Variants in EVC observed in about 807,000 individuals in gnomAD.
EVC encodes the protein EvC ciliary complex subunit 1.
EVC carries 116 observed loss-of-function variants against 118.9 expected under a neutral mutation model. The observed-to-expected ratio is 0.98, with a 90% CI of 0.84 to 1.14. The LOEUF is 1.14. EVC is among the 50% of genes most tolerant of loss of function. The pLI is 0.00. For missense variants in EVC, 1,401 were observed against 1,246.4 expected (o/e 1.12, Z -1.87); for synonymous variants, 619 against 534.7 (o/e 1.16, Z -2.18).
the EVC span, chr4:5,825,482 ACT>A: frequency 5.8e-6 from 9 of 1,557,898 alleles, no homozygotes; most frequent in African/African-American, 1.1e-4. The surrounding 1 kb of genome is among the most constrained non-coding windows in gnomAD (Gnocchi z 4.4). Flanking sequence ...CTGGGCCACC[ACT>A]CTTTCCTACC....
chr4:5,822,246 G>T, the EVC span, among the ~76,000 whole-genome samples: 3 of 152,198 alleles, frequency 2.0e-5, no homozygotes, highest in Admixed American at 1.3e-4. Context: ...CCAACTTACG[G>T]GTGAGCAATT....
At chr4:5,741,865 T>C (rs1320876205) in intron 6 of EVC, 51 bp downstream of exon 6, 10 of 976,980 alleles carry the variant, frequency 1.0e-5, no homozygotes, top group African/African-American at 1.6e-5. Flanking sequence ...TTTATTATAA[T>C]ATATACAACT....
intron 16 of EVC, among the ~76,000 whole-genome samples, chr4:5,802,613 C>G (rs1195760341): frequency 6.6e-6 from 1 of 152,134 alleles, no homozygotes; most frequent in East Asian, 1.9e-4. Flanking sequence ...ACAATCACAT[C>G]TGGGGGTTAT....
At chr4:5,711,676 C>T in intron 1 of EVC, 122 bp downstream of exon 1, 1 of 835,140 alleles carries the variant, frequency 1.2e-6, no homozygotes, top group Non-Finnish European at 1.5e-6. Context: ...TCGCACGCAA[C>T]CGCTTAGGCG....
Position 5,801,830 on chromosome 4 carries a change from C to T in EVC, c.2305-120C>T, listed in dbSNP as rs187763533. ...CTCTCTGCCTGCTTCCTGACCAATC[C>T]AGGTTGGTGAGTAGGTGGAAGATCT... is the stretch of plus-strand genomic sequence containing the variant. On this transcript the variant is annotated intron_variant, in intron 15 of 20. Transcript: ENST00000264956. The T allele has an allele frequency of 6.3e-6, 7 of 1,108,700 alleles. No individual in the cohort carries two copies. The African/African-American group carries it at 1.1e-4, about 17-fold the overall frequency. 68.7% of individuals were successfully genotyped at this position (1,108,700 alleles called of 1,614,324 possible).
intron 2 of EVC, among the ~76,000 whole-genome samples, chr4:5,721,354 T>C (rs985938396): frequency 1.3e-5 from 2 of 152,196 alleles, no homozygotes; most frequent in South Asian, 4.1e-4. Context: ...CGATGGGTGC[T>C]ACAACCTGAA....
rs537044143 is a variant in EVC, at chr4:5,797,470, C to T, written c.2097+238C>T. On this transcript the variant is annotated intron_variant, in intron 14 of 20. Coordinates refer to ENST00000264956, the MANE Select transcript of EVC (RefSeq NM_153717.3). The stretch of plus-strand genomic sequence containing the variant: ...TCGGAGATCAGGGTGTGGGCAGGGC[C>T]GCTTTGATTCTGAGACCGCACTCCC... 74 of 588,382 alleles carry T rather than the reference C, an allele frequency of 1.3e-4. 1 individual carries two copies. The Middle Eastern group carries it at 1.8e-3, about 15-fold the overall frequency. 36.4% of individuals were successfully genotyped at this position (588,382 alleles called of 1,614,324 possible).
the EVC span, chr4:5,826,501 T>A: frequency 6.6e-6 from 1 of 152,250 alleles, no homozygotes; most frequent in East Asian, 1.9e-4. Context: ...AGGAGGGCAA[T>A]GGAGCCACAG....
At chr4:5,828,169 T>C in the EVC span, 5,683 of 985,306 alleles carry the variant, frequency 5.8e-3, 240 homozygotes, top group African/African-American at 0.092. Flanking sequence ...CTCCCGTGGG[T>C]GGGCAGGATT....
chr4:5,733,796 C>T (rs954922958), intron 5 of EVC, among the ~76,000 whole-genome samples: 23 of 152,290 alleles, frequency 1.5e-4, no homozygotes, highest in African/African-American at 5.1e-4. Flanking sequence ...CATGAATTTT[C>T]TTGAGTCTTG....
Position 5,756,363 on chromosome 4 carries a change from G to A in EVC, c.1563+1G>A, listed in dbSNP as rs1303261452. Reference sequence around the variant, plus strand: ...CGAGGCTGTGGTTGCACTCTGCCAGGTACATGGCCTCTGTGGGGACCAGCA... The same window carrying A: ...CGAGGCTGTGGTTGCACTCTGCCAGATACATGGCCTCTGTGGGGACCAGCA... On this transcript the variant is annotated splice_donor_variant, in intron 11 of 20. Coordinates refer to ENST00000264956, the MANE Select transcript of EVC (RefSeq NM_153717.3). LOFTEE classifies it high-confidence loss of function. The surrounding 1 kb of genome is among the most constrained non-coding windows in gnomAD (Gnocchi z 4.2). The A allele has an allele frequency of 6.2e-7, 1 of 1,606,310 alleles. No homozygotes were observed. The highest frequency in any genetic ancestry group is 8.5e-7 in the Non-Finnish European group (1 of 1,176,538).
chr4:5,737,000 A>G (rs1379294684), intron 5 of EVC, among the ~76,000 whole-genome samples: 1 of 152,228 alleles, frequency 6.6e-6, no homozygotes. Context: ...TGGGCTTCTT[A>G]TACCACACAG....
chr4:5,825,851 A>G, the EVC span: 1 of 595,774 alleles, frequency 1.7e-6, no homozygotes, highest in South Asian at 2.2e-5. This position sits in a 1 kb window ranked among gnomAD's most constrained non-coding sequence, Gnocchi z 4.4. Context: ...ATTCATACAC[A>G]CAAGCATGCA....
chr4:5,761,090 G>A (rs777352707), intron 11 of EVC, among the ~76,000 whole-genome samples: 12 of 152,260 alleles, frequency 7.9e-5, no homozygotes, highest in Admixed American at 1.3e-4. Context: ...CTGGCTGGGC[G>A]TCCTTGGGCC....
intron 5 of EVC, among the ~76,000 whole-genome samples, chr4:5,740,449 C>T (rs7690195): frequency 0.022 from 3,013 of 136,976 alleles, 45 homozygotes; most frequent in Middle Eastern, 0.049. Context: ...CTAGCCTGGA[C>T]GACAGACTGA....
Position 5,756,329 on chromosome 4 carries a change from C to T in EVC, c.1530C>T (p.Val510=). The T allele has an allele frequency of 1.2e-6, 2 of 1,612,252 alleles. No individual in the cohort carries two copies. Among genetic ancestry groups the T allele is most frequent in the African/African-American group, 2.7e-5 (2 of 75,010 alleles). ...GTGACCTGGAGGAAGAGGAGAATGT[C>T]AGAGCCACCGAGGCTGTGGTTGCAC... The part of the protein sequence containing the change: ...MQCDLEEEEN[V]RATEAVVALC... The change falls in exon 11 of 21, where the codon GTC becomes GTT. Residue 510 remains valine (V), a synonymous_variant. Transcript: ENST00000264956. This position sits in a 1 kb window ranked among gnomAD's most constrained non-coding sequence, Gnocchi z 4.2.
chr4:5,821,412 A>C, the EVC span: 1 of 299,192 alleles, frequency 3.3e-6, no homozygotes, highest in Non-Finnish European at 6.4e-6. The surrounding 1 kb of genome is among the most constrained non-coding windows in gnomAD (Gnocchi z 4.4). Flanking sequence ...GAACATCTAC[A>C]GGGTGCAAAG....
chr4:5,808,140 T>TCCCCCCCCC, intron 17 of EVC, 61 bp from the exon 18 acceptor site: 1 of 239,930 alleles, frequency 4.2e-6, no homozygotes, highest in South Asian at 3.2e-5. Flanking sequence ...TCTCCCTCCC[T>TCCCCCCCCC]CCCTCCCTCC....
At chr4:5,804,904 T>G in intron 17 of EVC, 63 bp downstream of exon 17, 48 of 1,395,672 alleles carry the variant, frequency 3.4e-5, no homozygotes, top group Middle Eastern at 2.2e-4. Flanking sequence ...GGCATATCTC[T>G]CTGTGGTGCC....
Sources: allele counts gnomAD v4.1 joint callset (sites outside exome capture counted in the v4.1 genomes callset), GRCh38; gene constraint gnomAD v4.1.1; non-coding constraint Gnocchi (gnomAD v3.1); transcripts MANE v1.5; gene names NCBI Gene and HGNC (gene_info 2026-07-23, HGNC 2026-07-21).